Variants in STAG2 observed in about 807,000 individuals in gnomAD.
STAG2 encodes the protein STAG2 cohesin complex component, also known as cohesin subunit SA-2.
Under a neutral mutation model 108.1 loss-of-function variants are expected in STAG2, and 14 were observed. The ratio of observed to expected loss-of-function variants is 0.13; its 90% confidence interval spans 0.09 to 0.20. The LOEUF (loss-of-function observed/expected upper bound fraction) is 0.20. Among genes scored for constraint, STAG2 ranks in the 10% least tolerant of loss-of-function variants. The pLI is 1.00. For missense variants in STAG2, 440 were observed against 940.9 expected (o/e 0.47, Z 6.96); for synonymous variants, 307 against 302.7 (o/e 1.01, Z -0.15).
At chrX:124,022,853 T>G (rs1364559844) in intron 3 of STAG2, among the ~76,000 whole-genome samples, 182 bp downstream of exon 3, 1 of 112,323 alleles carries the variant, frequency 8.9e-6, no homozygotes, top group East Asian at 2.8e-4. Flanking sequence ...ATTCTGTACT[T>G]TTTTGTTGTT....
At chrX:124,071,430 G>A (rs1327972877) in intron 25 of STAG2, 107 bp downstream of exon 25, 5 of 611,662 alleles carry the variant, frequency 8.2e-6, no homozygotes, top group Middle Eastern at 4.4e-4. Flanking sequence ...CCTTAAAAAC[G>A]TGAAACACAG....
intron 1 of STAG2, among the ~76,000 whole-genome samples, chrX:123,991,164 A>C (rs756068299): frequency 2.3e-4 from 26 of 112,107 alleles, no homozygotes; most frequent in African/African-American, 8.4e-4. Flanking sequence ...TCCAATGTAC[A>C]TAATTGTATA....
chrX:124,008,709 CAGAG>C (rs1294706975), intron 1 of STAG2, among the ~76,000 whole-genome samples: 1 of 111,314 alleles, frequency 9.0e-6, no homozygotes, highest in African/African-American at 3.3e-5. Context: ...TGGAGGGAGA[CAGAG>C]GGAGAGGGAG....
intron 1 of STAG2, chrX:124,003,322 TGTTA>T (rs1370275250): frequency 2.7e-5 from 3 of 111,437 alleles, no homozygotes; most frequent in Non-Finnish European, 5.7e-5. Context: ...CTGATTTCAT[TGTTA>T]GTTAGGGAAT....
intron 15 of STAG2, among the ~76,000 whole-genome samples, chrX:124,060,389 G>A (rs772868982): frequency 2.7e-5 from 3 of 112,468 alleles, no homozygotes; most frequent in Non-Finnish European, 5.6e-5. Flanking sequence ...GCCTCCCAGA[G>A]TGCTGGGATT....
In STAG2 at chrX:124,037,713, A is replaced by G. The variant is rs1054149519; in HGVS notation, c.385+90A>G. 3 of 439,062 alleles carry G rather than the reference A, an allele frequency of 6.8e-6. No homozygotes were observed. In the Admixed American group the frequency reaches 1.2e-4, roughly 17 times the overall value. The allele number at this position is 439,062 out of a possible 1,213,427, so 36.2% of individuals were successfully genotyped here. ...GATGTTGTTAGCACTTTACATGGTA[A>G]ATAACGCTAAGGCATTATTTGCATC... On this transcript the variant is annotated intron_variant, in intron 6 of 34. Coordinates refer to ENST00000371145, the MANE Select transcript of STAG2 (RefSeq NM_001042750.2).
At chrX:124,005,459 C>T (rs2056243097) in intron 1 of STAG2, among the ~76,000 whole-genome samples, 1 of 111,488 alleles carries the variant, frequency 9.0e-6, no homozygotes. Context: ...CTCACTCCCC[C>T]ACCCCTTCTC....
At chrX:124,079,379 T>G (rs181612266) in intron 27 of STAG2, among the ~76,000 whole-genome samples, 1,979 of 111,781 alleles carry the variant, frequency 0.018, 45 homozygotes, top group African/African-American at 0.06. Context: ...GACCTCGTGA[T>G]CCACCTGCCT....
chrX:123,969,726 A>G (rs2054261771), intron 1 of STAG2, among the ~76,000 whole-genome samples: 1 of 108,625 alleles, frequency 9.2e-6, no homozygotes, highest in Admixed American at 1.0e-4. Flanking sequence ...GCTCACTGCA[A>G]CCTCCGCCTC....
intron 13 of STAG2, among the ~76,000 whole-genome samples, chrX:124,053,735 T>G (rs146830740): frequency 1.8e-5 from 2 of 111,475 alleles, no homozygotes; most frequent in Admixed American, 1.9e-4. Context: ...AAGCTAGATA[T>G]AAAAGGATCA....
At chrX:123,980,031 C>G (rs919441596) in intron 1 of STAG2, among the ~76,000 whole-genome samples, 1 of 112,000 alleles carries the variant, frequency 8.9e-6, no homozygotes, top group Non-Finnish European at 1.9e-5. Flanking sequence ...TTTCTGACAT[C>G]TTGGAATGCA....
rs746139765 is a variant in STAG2 at position 124,100,349 on chromosome X, T to C, written c.3784-225T>C. 2.6e-4 allele frequency among the ~76,000 whole-genome samples: 29 copies of C among 111,533 alleles called. No individual in the cohort carries two copies. The East Asian group carries it at 7.8e-3, about 30-fold the overall frequency. ...AATTAATCCAAGGTTCCTACTTTAA[T>C]TATATGTGAGGTAAGTAGCATCTTG... On this transcript the variant is annotated intron_variant, in intron 34 of 34. Coordinates refer to ENST00000371145, the MANE Select transcript of STAG2 (RefSeq NM_001042750.2).
At position 124,009,437 on chromosome X, in the gene STAG2, A is replaced by AGGTG. The variant is rs1347092469; in HGVS notation, c.-162-11927_-162-11926insGGGT. ...TAGGTAGGTAGGTAGGTAGGTAGGT[A>AGGTG]GGTAGGTAGATAGATAGATAGATAG... On this transcript the variant is annotated intron_variant, in intron 1 of 34. Coordinates refer to ENST00000371145, the MANE Select transcript of STAG2 (RefSeq NM_001042750.2). Among the ~76,000 whole-genome samples, 52 of 89,103 alleles carry AGGTG rather than the reference A, an allele frequency of 5.8e-4. 1 individual carries two copies. The highest frequency in any genetic ancestry group is 2.0e-3 in the African/African-American group (51 of 25,491). 77.4% of individuals were successfully genotyped at this position (89,103 alleles called of 115,157 possible).
At chrX:124,091,428 T>G (rs1442824481) in intron 32 of STAG2, among the ~76,000 whole-genome samples, 1 of 112,078 alleles carries the variant, frequency 8.9e-6, no homozygotes, top group African/African-American at 3.2e-5. Flanking sequence ...AATAAAAATC[T>G]TACCATGTAA....
intron 5 of STAG2, among the ~76,000 whole-genome samples, chrX:124,032,441 T>C (rs2057375446): frequency 9.0e-6 from 1 of 111,613 alleles, no homozygotes; most frequent in African/African-American, 3.3e-5. Context: ...TTAATAAAGT[T>C]TTAATTTAAT....
At chrX:123,966,498 A>G (rs1437386914) in intron 1 of STAG2, among the ~76,000 whole-genome samples, 1 of 110,615 alleles carries the variant, frequency 9.0e-6, no homozygotes, top group Non-Finnish European at 1.9e-5. Flanking sequence ...TGCATTGGCT[A>G]CATGTTCAGG....
At chrX:124,022,775 A>G (rs2056973669) in intron 3 of STAG2, 104 bp downstream of exon 3, 1 of 496,755 alleles carries the variant, frequency 2.0e-6, no homozygotes, top group South Asian at 4.3e-5. Context: ...AAGATCTAAT[A>G]TATAAAATAG....
At position 123,983,974 on chromosome X, in the gene STAG2, C is replaced by CTTTTTTT. The variant is rs199881082; in HGVS notation, c.-163+22133_-163+22139dup. Among the ~76,000 whole-genome samples the CTTTTTTT allele has an allele frequency of 2.8e-4, 17 of 61,461 alleles. 1 individual carries two copies. The highest frequency in any genetic ancestry group is 9.1e-4 in the African/African-American group (10 of 10,970). The allele number at this position is 61,461 out of a possible 115,157, so 53.4% of individuals were successfully genotyped here. ...AAAAAGAATAATTTTCTTTTCTTTTCTTTTTTTTTTTTTTTTTTTTTGAGA... is the reference window on the plus strand; with the variant it reads ...AAAAAGAATAATTTTCTTTTCTTTTCTTTTTTTTTTTTTTTTTTTTTTTTTTTTGAGA... On this transcript the variant is annotated intron_variant, in intron 1 of 34. Transcript: ENST00000371145.
chrX:124,027,809 C>T (rs1265090862), intron 4 of STAG2, among the ~76,000 whole-genome samples: 1 of 111,853 alleles, frequency 8.9e-6, no homozygotes, highest in Non-Finnish European at 1.9e-5. Flanking sequence ...GCCCTTAACC[C>T]TCTATACTAT....
Sources: allele counts gnomAD v4.1 joint callset (sites outside exome capture counted in the v4.1 genomes callset), GRCh38; gene constraint gnomAD v4.1.1; transcripts MANE v1.5; gene names NCBI Gene and HGNC (gene_info 2026-07-23, HGNC 2026-07-21).